ITGA10: variants seen among roughly 807,000 people sequenced by gnomAD.
ITGA10 encodes the protein integrin subunit alpha 10.
ITGA10 carries 105 observed loss-of-function variants against 145.2 expected under a neutral mutation model. The ratio of observed to expected loss-of-function variants is 0.72; its 90% CI spans 0.62 to 0.85. The LOEUF (loss-of-function observed/expected upper bound fraction) is 0.85, where lower values mean the gene tolerates loss of function less well. ITGA10 is among the 40% of genes least tolerant of loss of function. The pLI is 0.00. For missense variants in ITGA10, 1,317 were observed against 1,444.5 expected, an observed-to-expected ratio of 0.91 and a Z score of 1.43; for synonymous variants, 506 against 557.8, an observed-to-expected ratio of 0.91 and a Z score of 1.31.
Position 145,892,866 on chromosome 1 carries a change from G to A in ITGA10, c.3439-3C>T, listed in dbSNP as rs782369695. 2.2e-5 allele frequency: 36 copies of A among 1,613,092 alleles called. No individual in the cohort carries two copies. Among genetic ancestry groups the A allele is most frequent in the Non-Finnish European group, 2.9e-5 (34 of 1,179,202 alleles). ...TTCTTATGGGCAAAGAAGCCAAGCT[G>A]TAGAAGAAAAGATAAGCGTCACTGC... On this transcript the variant is annotated splice_region_variant and splice_polypyrimidine_tract_variant and intron_variant, in intron 29 of 29. Transcript: ENST00000369304.
intron 25 of ITGA10, 72 bp from the exon 26 acceptor site, chr1:145,895,783 T>C: frequency 6.7e-6 from 9 of 1,345,466 alleles, no homozygotes; most frequent in Non-Finnish European, 9.6e-6. Flanking sequence ...AGTTGGAACA[T>C]ACCTACACCC....
rs1553749132 is a variant in ITGA10, at chr1:145,902,306, T to C, written c.1089A>G (p.Glu363=). 6.2e-7 allele frequency: 1 copy of C among 1,614,172 alleles called. No individual in the cohort carries two copies. Among genetic ancestry groups the C allele is most frequent in the Admixed American group, 1.7e-5 (1 of 60,020 alleles). ...TTTCCAGCCCAAAGGAGCTTTCGTTTTCTGCATGGGACCCTTGGTCATGAG... is the reference window on the plus strand; with the variant it reads ...TTTCCAGCCCAAAGGAGCTTTCGTTCTCTGCATGGGACCCTTGGTCATGAG... The part of the protein sequence containing the change: ...RIFGLEGSHA[E]NESSFGLEMS... Residue 363 remains glutamate, a synonymous_variant, in exon 10 of 30, where the codon GAA becomes GAG. Coordinates refer to ENST00000369304, the MANE Select transcript of ITGA10 (RefSeq NM_003637.5).
intron 5 of ITGA10, 48 bp downstream of exon 5, chr1:145,906,346 C>T: frequency 7.0e-7 from 1 of 1,431,922 alleles, no homozygotes; most frequent in Non-Finnish European, 9.8e-7. Context: ...TTTTTCCCAC[C>T]CAGTATCTCC....
rs1480357724 is a variant in ITGA10 at position 145,907,142 on chromosome 1, A to T, written c.173T>A (p.Val58Glu). 1.9e-6 allele frequency: 3 copies of T among 1,560,118 alleles called. No homozygotes were observed. Among genetic ancestry groups the T allele is most frequent in the Non-Finnish European group, 1.7e-6 (2 of 1,151,344 alleles). The change falls in exon 3 of 30, where the codon GTG (valine) becomes GAG (glutamate). Residue 58 changes from valine to glutamate, a missense_variant. By Grantham distance (121) the Val-to-Glu change is moderately radical. Transcript: ENST00000369304. ...HVGGGQRWML[V>E]GAPWDGPSGD... The stretch of plus-strand genomic sequence containing the variant: ...TGAAGGCCCATCCCAGGGGGCGCCC[A>T]CCAGCATCCTGGGAAGAGGATGTGA...
intron 14 of ITGA10, 30 bp from the exon 15 acceptor site, chr1:145,900,217 G>A: frequency 6.3e-7 from 1 of 1,593,734 alleles, no homozygotes; most frequent in Non-Finnish European, 8.5e-7. Context: ...TACTGAGGCA[G>A]GGACCCATAC....
In ITGA10 at chr1:145,896,286, T is replaced by C. The variant is rs1195761136; in HGVS notation, c.2901A>G (p.Glu967=). The change falls in exon 24 of 30, where the codon GAA becomes GAG. Residue 967 remains glutamate (E), a synonymous_variant. Transcript: ENST00000369304. The part of the protein sequence containing the change: ...YGTLPVGPGP[E]FKTTLRVQNL... ...TTCTCACCCTGAGAGTGGTTTTGAA[T>C]TCTGGGCCAGGACCCACTGGGAGGG... The C allele has an allele frequency of 6.2e-7, 1 of 1,613,794 alleles. No homozygotes were observed. Among genetic ancestry groups the C allele is most frequent in the Non-Finnish European group, 8.5e-7 (1 of 1,179,754 alleles).
chr1:145,902,855 G>A lies in ITGA10; in HGVS notation c.865C>T (p.Leu289=), dbSNP rs538897084. Residue 289 remains leucine, a synonymous_variant, in exon 8 of 30, where the codon CTA becomes TTA. Coordinates refer to ENST00000369304, the MANE Select transcript of ITGA10 (RefSeq NM_003637.5). ...ACTCTTCCAGCCTCACAGGCCTTTAGTGCTGCAGGAAGCTCCTCTCCATCA... is the reference window on the plus strand; with the variant it reads ...ACTCTTCCAGCCTCACAGGCCTTTAATGCTGCAGGAAGCTCCTCTCCATCA... ...SHDGEELPAA[L]KACEAGRVTR... 8.1e-6 allele frequency: 13 copies of A among 1,613,814 alleles called. 1 individual carries two copies. In the African/African-American group the frequency reaches 1.7e-4, roughly 22 times the overall value.
At chr1:145,896,246 C>T in intron 24 of ITGA10, 22 bp downstream of exon 24, 1 of 1,594,678 alleles carries the variant, frequency 6.3e-7, no homozygotes, top group Non-Finnish European at 8.6e-7. Context: ...CTCCTCATGC[C>T]AAGACCCCTC....
At position 145,901,330 on chromosome 1, in the gene ITGA10, G is replaced by C; in HGVS notation, c.1444-52C>G. 6.2e-7 allele frequency: 1 copy of C among 1,600,040 alleles called. No homozygotes were observed. On this transcript the variant is annotated intron_variant, in intron 12 of 29. Transcript: ENST00000369304. This position sits in a 1 kb window ranked among gnomAD's most constrained non-coding sequence, Gnocchi z 4.3. The stretch of plus-strand genomic sequence containing the variant: ...CCAGAGAAAAGGGAAGGTAACTGTA[G>C]ACAAGTGGACTCAGTGGGAAGCACT...
At chr1:145,897,204 C>T (rs1553745496) in intron 21 of ITGA10, 43 bp downstream of exon 21, 16 of 1,599,148 alleles carry the variant, frequency 1.0e-5, no homozygotes, top group Non-Finnish European at 1.4e-5. Context: ...ATCCCAGCCT[C>T]TGCCCTCCTA....
At position 145,901,935 on chromosome 1, in the gene ITGA10, T is replaced by C; in HGVS notation, c.1236A>G (p.Pro412=). Reference sequence around the variant, plus strand: ...GGAACTCGTCTTCCAGTGCCATTCGTGGGGGGAAAAGGCGGTGGCCTCCTT... The same window carrying C: ...GGAACTCGTCTTCCAGTGCCATTCGCGGGGGGAAAAGGCGGTGGCCTCCTT... ...WLEGGHRLFP[P]RMALEDEFPP... is the part of the protein sequence containing the mutation. The change falls in exon 11 of 30, where the codon CCA becomes CCG. Residue 412 remains proline, a synonymous_variant. Transcript: ENST00000369304. This position sits in a 1 kb window ranked among gnomAD's most constrained non-coding sequence, Gnocchi z 4.3. The C allele has an allele frequency of 1.2e-6, 2 of 1,613,938 alleles. No homozygotes were observed. Among genetic ancestry groups the C allele is most frequent in the Non-Finnish European group, 1.7e-6 (2 of 1,179,974 alleles).
At position 145,907,122 on chromosome 1, in the gene ITGA10, G is replaced by T; in HGVS notation, c.193C>A (p.Pro65Thr). ...ACGTCCCCCCTCCGGTCGCCTGAAG[G>T]CCCATCCCAGGGGGCGCCCACCAGC... is the stretch of plus-strand genomic sequence containing the variant. ...WMLVGAPWDGPSGDRRGDVYR... is the reference protein window; with the variant it reads ...WMLVGAPWDGTSGDRRGDVYR... Residue 65 changes from proline to threonine, a missense_variant, in exon 3 of 30, where the codon CCT becomes ACT. By Grantham distance (38) the Pro-to-Thr change is conservative. Coordinates refer to ENST00000369304, the MANE Select transcript of ITGA10 (RefSeq NM_003637.5). 1 of 1,562,390 alleles carries T rather than the reference G, an allele frequency of 6.4e-7. No individual in the cohort carries two copies. The highest frequency in any genetic ancestry group is 8.7e-7 in the Non-Finnish European group (1 of 1,152,750).
Position 145,904,686 on chromosome 1 carries a change from G to A in ITGA10, c.607C>T (p.Gln203Ter), listed in dbSNP as rs1656876260. The A allele has an allele frequency of 1.9e-6, 3 of 1,613,814 alleles. No individual in the cohort carries two copies. The highest frequency in any genetic ancestry group is 1.7e-5 in the Admixed American group (1 of 59,992). The change falls in exon 6 of 30, where the codon CAG (glutamine) becomes TAG (stop). Residue 203 changes from glutamine to a stop codon, truncating the protein, a stop_gained and splice_region_variant. Coordinates refer to ENST00000369304, the MANE Select transcript of ITGA10 (RefSeq NM_003637.5). LOFTEE classifies it high-confidence loss of function. ...CAGCTCATATTGCCTTCTCTTACCT[G>A]TATCTGTTCTGGGTCAATAAACAGT... ...GKLFIDPEQIQVGLVQYGESP... is the reference protein window; with the variant it reads ...GKLFIDPEQI
At position 145,904,729 on chromosome 1, in the gene ITGA10, T is replaced by C; in HGVS notation, c.564A>G (p.Leu188=). The change falls in exon 6 of 30, where the codon CTA becomes CTG. Residue 188 remains leucine (L), a synonymous_variant. Transcript: ENST00000369304. ...IYPWSEVQTF[L]RRLVGKLFID... ...TAAACAGTTTCCCTACCAGTCTTCG[T>C]AGGAAGGTCTGAACTTCAGACCAGG... The C allele has an allele frequency of 6.2e-7, 1 of 1,613,870 alleles. No individual in the cohort carries two copies. The highest frequency in any genetic ancestry group is 1.6e-4 in the Middle Eastern group (1 of 6,062).
chr1:145,899,296 TG>T lies in ITGA10; in HGVS notation c.1967del (p.Pro656HisfsTer21). ...VHLTPSLEVT[P>X]QAISVVQRDC... ...CCCTCTGAACCACACTGATGGCCTG[TG>T]GGGTCACCTCCAGTGATGGGGTCAG... On this transcript the variant is annotated frameshift_variant, in exon 16 of 30. Coordinates refer to ENST00000369304, the MANE Select transcript of ITGA10 (RefSeq NM_003637.5). LOFTEE classifies it high-confidence loss of function. The T allele has an allele frequency of 6.2e-7, 1 of 1,614,134 alleles. No individual in the cohort carries two copies. Among genetic ancestry groups the T allele is most frequent in the Non-Finnish European group, 8.5e-7 (1 of 1,180,024 alleles).
chr1:145,908,632 C>T (rs908305426), intron 1 of ITGA10, among the ~76,000 whole-genome samples: 2 of 152,178 alleles, frequency 1.3e-5, no homozygotes, highest in Admixed American at 6.5e-5. Context: ...CTTGTCCTTC[C>T]CATGGTCCTT....
At position 145,900,091 on chromosome 1, in the gene ITGA10, C is replaced by T; in HGVS notation, c.1888G>A (p.Ala630Thr). 6.2e-7 allele frequency: 1 copy of T among 1,614,022 alleles called. No homozygotes were observed. Among genetic ancestry groups the T allele is most frequent in the Non-Finnish European group, 8.5e-7 (1 of 1,179,954 alleles). Residue 630 changes from alanine (A) to threonine (T), a missense_variant, in exon 15 of 30, where the codon GCT becomes ACT. Coordinates refer to ENST00000369304, the MANE Select transcript of ITGA10 (RefSeq NM_003637.5). ...DLDGDDLVDVAVGAQGAAILL... is the reference protein window; with the variant it reads ...DLDGDDLVDVTVGAQGAAILL... ...ATGGCTGCCCCCTGGGCACCCACAG[C>T]CACATCGACCAGATCATCTCCATCC... is the stretch of plus-strand genomic sequence containing the variant.
Position 145,898,243 on chromosome 1 carries a change from C to T in ITGA10, c.2233-20G>A. 2 of 1,434,840 alleles carry T rather than the reference C, an allele frequency of 1.4e-6. No individual in the cohort carries two copies. The highest frequency in any genetic ancestry group is 1.7e-4 in the Middle Eastern group (1 of 5,746). The allele number at this position is 1,434,840 out of a possible 1,614,324, so 88.9% of individuals were successfully genotyped here. On this transcript the variant is annotated intron_variant, in intron 17 of 29. Transcript: ENST00000369304. ...TGTATCCTGAAGGAAAACAGAGTCA[C>T]AGAGTCACAGAGTCAAGGATCTTGT...
chr1:145,894,146 C>G (rs1257576030), intron 27 of ITGA10, among the ~76,000 whole-genome samples: 17 of 145,886 alleles, frequency 1.2e-4, no homozygotes, highest in Admixed American at 1.1e-3. Context: ...GAGTCTCGCT[C>G]TGTCACCCAG....
Sources: gnomAD v4.1 joint callset for allele counts (sites outside exome capture counted in the v4.1 genomes callset) on GRCh38, gnomAD v4.1.1 for gene constraint, Gnocchi (gnomAD v3.1) non-coding constraint, MANE v1.5 for transcripts, NCBI Gene and HGNC (gene_info 2026-07-23, HGNC 2026-07-21) for gene names.